Variants in GPM6A observed in about 807,000 individuals in gnomAD.
The protein encoded by GPM6A is glycoprotein M6A.
A neutral mutation model predicts 32.1 loss-of-function variants in GPM6A; 7 were observed. That is an observed-to-expected ratio of 0.22 (90% CI 0.12 to 0.41). The LOEUF (loss-of-function observed/expected upper bound fraction) is 0.41, where lower values mean the gene tolerates loss of function less well. Among genes scored for constraint, GPM6A ranks in the 10% least tolerant of loss-of-function variants. The pLI, the probability that GPM6A is intolerant of heterozygous loss-of-function variation, is 1.00. For missense variants in GPM6A, 235 were observed against 347.2 expected (o/e 0.68, Z 2.57); for synonymous variants, 130 against 123.4 (o/e 1.05, Z -0.35).
rs1262086038 is a variant in GPM6A at position 175,696,345 on chromosome 4, G to A, written c.230+5230C>T. Among the ~76,000 whole-genome samples the A allele has an allele frequency of 3.9e-5, 6 of 152,086 alleles. No homozygotes were observed. In the East Asian group the frequency reaches 9.6e-4, roughly 24 times the overall value. On this transcript the variant is annotated intron_variant, in intron 2 of 6. Transcript: ENST00000393658. ...CAGAGACAATATGGAACAAGCTCAG[G>A]GGAGTTTGACTCCAAAATCTTATTC...
In GPM6A at chr4:175,745,910, G is replaced by A. The variant is rs185643943; in HGVS notation, c.38-44143C>T. Among the ~76,000 whole-genome samples the A allele has an allele frequency of 9.2e-5, 14 of 152,220 alleles. No homozygotes were observed. The East Asian group carries it at 2.7e-3, about 29-fold the overall frequency. On this transcript the variant is annotated intron_variant, in intron 1 of 6. Coordinates refer to ENST00000393658, the MANE Select transcript of GPM6A (RefSeq NM_201591.3). ...GTGGCATAGTCAGATTTATATTTTA[G>A]AGAGATCACGCTGTTTATAGTGTGA... is the stretch of plus-strand genomic sequence containing the variant.
intron 1 of GPM6A, among the ~76,000 whole-genome samples, chr4:175,780,564 A>G (rs929341332): frequency 6.6e-6 from 1 of 152,190 alleles, no homozygotes; most frequent in Non-Finnish European, 1.5e-5. Context: ...GTCACATTCA[A>G]CACATGCATA....
rs113203134 is a variant in GPM6A, at chr4:175,738,040, C to T, written c.38-36273G>A. Reference sequence around the variant, plus strand: ...GCAACCTCCACCTCCTGGATTCAAGCGATTCTCCTGCCTCAGCCTCCCGAA... The same window carrying T: ...GCAACCTCCACCTCCTGGATTCAAGTGATTCTCCTGCCTCAGCCTCCCGAA... On this transcript the variant is annotated intron_variant, in intron 1 of 6. Transcript: ENST00000393658. Among the ~76,000 whole-genome samples, 46 of 151,724 alleles carry T rather than the reference C, an allele frequency of 3.0e-4. 2 individuals are homozygous for T. Among genetic ancestry groups the T allele is most frequent in the African/African-American group, 1.1e-3 (44 of 41,362 alleles).
chr4:175,977,599 C>T (rs760197998), intron 1 of GPM6A, among the ~76,000 whole-genome samples: 9 of 152,020 alleles, frequency 5.9e-5, no homozygotes, highest in Non-Finnish European at 1.2e-4. Flanking sequence ...CCAAAAATGC[C>T]TTGTGATTAC....
intron 1 of GPM6A, among the ~76,000 whole-genome samples, chr4:175,847,172 C>T (rs932248793): frequency 1.3e-5 from 2 of 152,136 alleles, no homozygotes; most frequent in African/African-American, 4.8e-5. Context: ...ATCTTTGAAA[C>T]TACCCACTGG....
At chr4:175,990,730 G>A (rs919473388) in intron 1 of GPM6A, among the ~76,000 whole-genome samples, 26 of 151,334 alleles carry the variant, frequency 1.7e-4, no homozygotes, top group African/African-American at 6.3e-4. Flanking sequence ...GATATAATGA[G>A]ATATGTGAAT....
At chr4:175,920,144 G>A (rs1738619420) in intron 1 of GPM6A, among the ~76,000 whole-genome samples, 1 of 152,206 alleles carries the variant, frequency 6.6e-6, no homozygotes. Flanking sequence ...GTGAACAGAA[G>A]GGGAAATTGT....
At chr4:175,785,017 T>A (rs1374265759) in intron 1 of GPM6A, among the ~76,000 whole-genome samples, 1 of 152,192 alleles carries the variant, frequency 6.6e-6, no homozygotes, top group Non-Finnish European at 1.5e-5. Context: ...AAACATAGAA[T>A]CTAATTCCCC....
At chr4:175,845,535 TG>T (rs959321552) in intron 1 of GPM6A, among the ~76,000 whole-genome samples, 4 of 152,134 alleles carry the variant, frequency 2.6e-5, no homozygotes, top group African/African-American at 9.6e-5. Context: ...GTTGTGCTTA[TG>T]AGCTCATTTA....
intron 1 of GPM6A, among the ~76,000 whole-genome samples, chr4:175,897,628 A>C (rs1311256387): frequency 1.3e-5 from 2 of 152,216 alleles, no homozygotes; most frequent in African/African-American, 4.8e-5. Flanking sequence ...TAAAAACGTT[A>C]GAGACCCATT....
At chr4:175,967,804 A>G (rs550911999) in intron 1 of GPM6A, among the ~76,000 whole-genome samples, 60 of 152,342 alleles carry the variant, frequency 3.9e-4, no homozygotes, top group Middle Eastern at 6.8e-3. Context: ...ATGTACATGG[A>G]TAGAAAGAGT....
At chr4:175,701,459 A>C in intron 2 of GPM6A, 116 bp downstream of exon 2, 1 of 746,410 alleles carries the variant, frequency 1.3e-6, no homozygotes, top group South Asian at 1.7e-5. Flanking sequence ...GGTATACCCT[A>C]AAAGTGCTGT....
chr4:175,691,038 C>T (rs1478546152), intron 2 of GPM6A, among the ~76,000 whole-genome samples: 1 of 152,212 alleles, frequency 6.6e-6, no homozygotes, highest in Non-Finnish European at 1.5e-5. Context: ...ATCTTACTGA[C>T]TTAATTCTCT....
chr4:175,757,964 T>C (rs1189537524), intron 1 of GPM6A, among the ~76,000 whole-genome samples: 1 of 152,170 alleles, frequency 6.6e-6, no homozygotes, highest in Non-Finnish European at 1.5e-5. Context: ...TGCAGTGACA[T>C]AATTGTAAAT....
At chr4:175,884,690 C>T (rs1324531750) in intron 1 of GPM6A, among the ~76,000 whole-genome samples, 1 of 151,792 alleles carries the variant, frequency 6.6e-6, no homozygotes, top group East Asian at 1.9e-4. Context: ...CACCAAGAGC[C>T]CGGCTAATTT....
At chr4:175,883,427 A>G (rs1737345072) in intron 1 of GPM6A, among the ~76,000 whole-genome samples, 2 of 152,144 alleles carry the variant, frequency 1.3e-5, no homozygotes, top group African/African-American at 4.8e-5. Flanking sequence ...AAAAATTAAG[A>G]AGATAGTAGT....
chr4:175,898,141 T>C (rs1560984775), intron 1 of GPM6A, among the ~76,000 whole-genome samples: 1 of 152,188 alleles, frequency 6.6e-6, no homozygotes, highest in South Asian at 2.1e-4. Flanking sequence ...CTTAAACCAG[T>C]GCAACTGATT....
intron 1 of GPM6A, among the ~76,000 whole-genome samples, chr4:175,832,264 C>T (rs1405698292): frequency 2.0e-5 from 3 of 152,110 alleles, no homozygotes; most frequent in Non-Finnish European, 4.4e-5. Flanking sequence ...AAATTATTTT[C>T]TAATCTTGAT....
intron 1 of GPM6A, among the ~76,000 whole-genome samples, chr4:175,869,392 A>G (rs1736833807): frequency 6.6e-6 from 1 of 152,180 alleles, no homozygotes; most frequent in Non-Finnish European, 1.5e-5. Context: ...CACAAAATAA[A>G]AAGGGAGCAC....
Sources: gnomAD v4.1 joint callset for allele counts (sites outside exome capture counted in the v4.1 genomes callset) on GRCh38, gnomAD v4.1.1 for gene constraint, MANE v1.5 for transcripts, NCBI Gene and HGNC (gene_info 2026-07-23, HGNC 2026-07-21) for gene names.